Variants in SNX25 observed in about 807,000 individuals in gnomAD.
SNX25 encodes the protein sorting nexin-25.
SNX25 carries 62 observed loss-of-function variants against 113.7 expected under a neutral mutation model. The ratio of observed to expected loss-of-function variants is 0.55; its 90% CI spans 0.44 to 0.67. The LOEUF (loss-of-function observed/expected upper bound fraction) is 0.67, where lower values mean the gene tolerates loss of function less well. Ranked by LOEUF, SNX25 falls within the 30% of genes least tolerant of loss-of-function variation. The probability of loss-of-function intolerance (pLI) is 0.00; values close to 1 mark genes in which losing one functional copy is unlikely to be tolerated. For missense variants in SNX25, 1,014 were observed against 1,161.0 expected (o/e 0.87, Z 1.84); for synonymous variants, 421 against 436.2 (o/e 0.97, Z 0.43).
At position 185,341,969 on chromosome 4, in the gene SNX25, C is replaced by G; in HGVS notation, c.2047-7C>G. On this transcript the variant is annotated splice_region_variant and splice_polypyrimidine_tract_variant and intron_variant, in intron 11 of 18. Transcript: ENST00000652585. ...TTGTAAGTATCGATTTTGATGTTTT[C>G]CCCAAGGTTACAGAAGAGAATGGTG... 9.5e-6 allele frequency: 15 copies of G among 1,573,556 alleles called. No homozygotes were observed. Among genetic ancestry groups the G allele is most frequent in the Non-Finnish European group, 1.2e-5 (14 of 1,163,938 alleles).
intron 1 of SNX25, among the ~76,000 whole-genome samples, chr4:185,227,501 T>G (rs3112910): frequency 0.65 from 99,435 of 152,138 alleles, 32,604 homozygotes; most frequent in East Asian, 0.76. Flanking sequence ...GCCTGCATTT[T>G]TGTATGTTCA....
intron 6 of SNX25, among the ~76,000 whole-genome samples, chr4:185,301,015 T>TC (rs1464676984): frequency 6.6e-6 from 1 of 152,060 alleles, no homozygotes; most frequent in Non-Finnish European, 1.5e-5. Flanking sequence ...TACCCTCCTT[T>TC]CACCTGCCCA....
Position 185,353,537 on chromosome 4 carries a change from G to C in SNX25, c.2519G>C (p.Gly840Ala), listed in dbSNP as rs1473518171. 6.2e-7 allele frequency: 1 copy of C among 1,614,202 alleles called. No homozygotes were observed. The highest frequency in any genetic ancestry group is 8.5e-7 in the Non-Finnish European group (1 of 1,180,040). ...DLSDYGDDVD[G>A]RKDALAEPCF... is the part of the protein sequence containing the mutation. ...TCAGATTATGGTGATGATGTGGATG[G>C]GAGGAAAGACGCCTTGGCTGAACCA... The change falls in exon 15 of 19, where the codon GGG becomes GCG. Residue 840 changes from glycine to alanine, a missense_variant. Transcript: ENST00000652585.
intron 16 of SNX25, among the ~76,000 whole-genome samples, 190 bp downstream of exon 16, chr4:185,357,927 T>C (rs1317134155): frequency 6.6e-6 from 1 of 152,222 alleles, no homozygotes; most frequent in Non-Finnish European, 1.5e-5. Context: ...ACAGAATGCA[T>C]ATGGCAAGTT....
At chr4:185,214,719 T>A (rs1738498719) in intron 1 of SNX25, among the ~76,000 whole-genome samples, 1 of 152,244 alleles carries the variant, frequency 6.6e-6, no homozygotes, top group African/African-American at 2.4e-5. Context: ...TAATAAGCAT[T>A]TACTGAATGT....
At chr4:185,215,493 G>A (rs925257230) in intron 1 of SNX25, among the ~76,000 whole-genome samples, 2 of 152,130 alleles carry the variant, frequency 1.3e-5, no homozygotes. Flanking sequence ...AATGTTCTTT[G>A]AGTAAAACAA....
At chr4:185,370,256 CA>C (rs1336160655), downstream of SNX25, 1 of 162,328 alleles carries the variant, frequency 6.2e-6, no homozygotes, top group Admixed American at 6.0e-5. Context: ...ATGTCACGCT[CA>C]AAAAAACTTT....
intron 6 of SNX25, among the ~76,000 whole-genome samples, chr4:185,302,938 C>G (rs892853461): frequency 6.6e-6 from 1 of 152,330 alleles, no homozygotes; most frequent in East Asian, 1.9e-4. Flanking sequence ...TCGGGCACTT[C>G]CATTGCACTC....
At chr4:185,272,383 G>A (rs1006906665) in intron 5 of SNX25, among the ~76,000 whole-genome samples, 2 of 152,212 alleles carry the variant, frequency 1.3e-5, no homozygotes, top group Non-Finnish European at 2.9e-5. Context: ...CATTACAGTA[G>A]AAATGAAAGG....
intron 6 of SNX25, among the ~76,000 whole-genome samples, chr4:185,301,466 A>C (rs1421968343): frequency 6.6e-6 from 1 of 152,050 alleles, no homozygotes; most frequent in African/African-American, 2.4e-5. Flanking sequence ...ATCTTGACTC[A>C]CTGCAACCTC....
intron 1 of SNX25, among the ~76,000 whole-genome samples, chr4:185,217,900 GA>G (rs1347652580): frequency 6.6e-6 from 1 of 152,128 alleles, no homozygotes; most frequent in East Asian, 1.9e-4. Context: ...ACTTTTGAAG[GA>G]AAAAGATTGC....
At chr4:185,367,117 C>T, downstream of SNX25, 1 of 1,350,406 alleles carries the variant, frequency 7.4e-7, no homozygotes, top group Non-Finnish European at 1.1e-6. Context: ...AACATAGCTA[C>T]TGTAAAAATA....
At position 185,210,759 on chromosome 4, in the gene SNX25, C is replaced by T. The variant is rs1262532590; in HGVS notation, c.429+504C>T. Among the ~76,000 whole-genome samples, 1 of 152,062 alleles carries T rather than the reference C, an allele frequency of 6.6e-6. No homozygotes were observed. The highest frequency in any genetic ancestry group is 1.5e-5 in the Non-Finnish European group (1 of 68,006). ...AAGCCCGCGTACCCTTCCCACCACC[C>T]TATCCTGCCTTCCACCATGCGGATA... On this transcript the variant is annotated intron_variant, in intron 1 of 18. Coordinates refer to ENST00000652585, the MANE Select transcript of SNX25 (RefSeq NM_001378034.2). This position sits in a 1 kb window ranked among gnomAD's most constrained non-coding sequence, Gnocchi z 4.4.
intron 1 of SNX25, among the ~76,000 whole-genome samples, chr4:185,238,142 G>A (rs912936846): frequency 6.0e-5 from 9 of 149,846 alleles, no homozygotes; most frequent in Non-Finnish European, 1.3e-4. Flanking sequence ...TAGAGTCCTT[G>A]TCAGGCCCCT....
At chr4:185,229,993 C>T (rs1380784561) in intron 1 of SNX25, among the ~76,000 whole-genome samples, 1 of 151,894 alleles carries the variant, frequency 6.6e-6, no homozygotes, top group Non-Finnish European at 1.5e-5. Context: ...CATGCCTGGC[C>T]AATTTTTAAA....
the SNX25 span, chr4:185,375,768 CT>C: frequency 3.7e-6 from 5 of 1,366,264 alleles, no homozygotes; most frequent in Non-Finnish European, 1.0e-6. Context: ...TTATTATGAT[CT>C]TAAAGTAATC....
chr4:185,334,208 A>T lies in SNX25; in HGVS notation c.1914+1449A>T, dbSNP rs2095215506. Among the ~76,000 whole-genome samples, 1 of 152,020 alleles carries T rather than the reference A, an allele frequency of 6.6e-6. No individual in the cohort carries two copies. The highest frequency in any genetic ancestry group is 1.5e-5 in the Non-Finnish European group (1 of 67,988). On this transcript the variant is annotated intron_variant, in intron 10 of 18. Coordinates refer to ENST00000652585, the MANE Select transcript of SNX25 (RefSeq NM_001378034.2). The surrounding 1 kb of genome is among the most constrained non-coding windows in gnomAD (Gnocchi z 4.2). Reference sequence around the variant, plus strand: ...ACAAAAATTAGCCAGGCATGGTGGCATGCATGGTAATCCCAGCTACTCAGG... The same window carrying T: ...ACAAAAATTAGCCAGGCATGGTGGCTTGCATGGTAATCCCAGCTACTCAGG...
chr4:185,242,559 G>T (rs535873630), intron 1 of SNX25, among the ~76,000 whole-genome samples: 2 of 152,238 alleles, frequency 1.3e-5, no homozygotes, highest in East Asian at 3.8e-4. Flanking sequence ...GGATGCAGAT[G>T]AAGAAATGCT....
chr4:185,259,895 T>A (rs1747035549), intron 3 of SNX25, among the ~76,000 whole-genome samples: 1 of 151,966 alleles, frequency 6.6e-6, no homozygotes, highest in South Asian at 2.1e-4. Context: ...TGAATGCGGC[T>A]GCACAGCAGG....
Sources: gnomAD v4.1 joint callset for allele counts (sites outside exome capture counted in the v4.1 genomes callset) on GRCh38, gnomAD v4.1.1 for gene constraint, Gnocchi (gnomAD v3.1) non-coding constraint, MANE v1.5 for transcripts, NCBI Gene and HGNC (gene_info 2026-07-23, HGNC 2026-07-21) for gene names.